CCSER1: variants seen among roughly 807,000 people sequenced by gnomAD.
CCSER1 encodes the protein serine-rich coiled-coil domain-containing protein 1.
A neutral mutation model predicts 82.0 loss-of-function variants in CCSER1; 41 were observed. That is an observed-to-expected ratio of 0.50 (90% CI 0.39 to 0.65). The LOEUF is 0.65. Ranked by LOEUF, CCSER1 falls within the 30% of genes least tolerant of loss-of-function variation. The pLI, the probability that CCSER1 is intolerant of heterozygous loss-of-function variation, is 0.00. For missense variants in CCSER1, 1,119 were observed against 1,064.2 expected (o/e 1.05, Z -0.72); for synonymous variants, 414 against 383.9 (o/e 1.08, Z -0.92).
chr4:90,565,564 C>T (rs776594427), intron 5 of CCSER1, among the ~76,000 whole-genome samples: 7 of 152,144 alleles, frequency 4.6e-5, no homozygotes, highest in Admixed American at 3.3e-4. Flanking sequence ...ATGGAAGTAG[C>T]GCACCAGGCA....
At chr4:90,500,167 G>T (rs925128394) in intron 5 of CCSER1, among the ~76,000 whole-genome samples, 1 of 151,630 alleles carries the variant, frequency 6.6e-6, no homozygotes, top group South Asian at 2.1e-4. Context: ...ATCTCTATGA[G>T]TTCATCATGT....
rs1047544406 is a variant in CCSER1 at position 91,126,043 on chromosome 4, A to C, written c.2217+40049A>C. ...TGATTTACACTCATTGTTATTACTC[A>C]CAGGGGAAAAAAGTTATAGATAAGT... is the stretch of plus-strand genomic sequence containing the variant. On this transcript the variant is annotated intron_variant, in intron 10 of 10. Coordinates refer to ENST00000509176, the MANE Select transcript of CCSER1 (RefSeq NM_001145065.2). Among the ~76,000 whole-genome samples, 3 of 151,762 alleles carry C rather than the reference A, an allele frequency of 2.0e-5. No individual in the cohort carries two copies. The South Asian group carries it at 6.2e-4, about 31-fold the overall frequency.
intron 10 of CCSER1, among the ~76,000 whole-genome samples, chr4:91,401,688 T>G (rs1752344070): frequency 6.6e-6 from 1 of 152,130 alleles, no homozygotes; most frequent in Non-Finnish European, 1.5e-5. Flanking sequence ...CTCAGAATGA[T>G]GGTTTCCAGC....
intron 10 of CCSER1, among the ~76,000 whole-genome samples, chr4:91,547,260 T>C (rs1761939085): frequency 6.6e-6 from 1 of 152,168 alleles, no homozygotes; most frequent in African/African-American, 2.4e-5. Flanking sequence ...CCTTACTAAT[T>C]TTCTACCTGC....
chr4:90,970,872 A>T (rs1735035850), intron 9 of CCSER1, among the ~76,000 whole-genome samples: 1 of 151,970 alleles, frequency 6.6e-6, no homozygotes, highest in Admixed American at 6.6e-5. Context: ...AGAAAGGAAA[A>T]TAGTAACACT....
chr4:90,810,455 C>G (rs1258888711), intron 7 of CCSER1, among the ~76,000 whole-genome samples: 1 of 152,086 alleles, frequency 6.6e-6, no homozygotes, highest in Non-Finnish European at 1.5e-5. Flanking sequence ...TGAGGCCAGC[C>G]TGGCCAACAT....
At chr4:90,792,711 G>A (rs751517207) in intron 7 of CCSER1, among the ~76,000 whole-genome samples, 13 of 152,360 alleles carry the variant, frequency 8.5e-5, no homozygotes, top group African/African-American at 1.4e-4. Flanking sequence ...TAGGTTGCAC[G>A]TCGGGGCAGG....
chr4:90,445,297 G>A (rs530327482), intron 4 of CCSER1, among the ~76,000 whole-genome samples: 2 of 151,958 alleles, frequency 1.3e-5, no homozygotes, highest in African/African-American at 4.8e-5. Context: ...ATATTAACCA[G>A]TCATATTAAA....
At chr4:90,391,761 A>G (rs1375468662) in intron 3 of CCSER1, among the ~76,000 whole-genome samples, 1 of 151,694 alleles carries the variant, frequency 6.6e-6, no homozygotes, top group African/African-American at 2.4e-5. Flanking sequence ...TTACTGAAAT[A>G]TTCAATTCCT....
intron 9 of CCSER1, among the ~76,000 whole-genome samples, chr4:90,977,570 G>A (rs1157878368): frequency 6.6e-6 from 1 of 151,454 alleles, no homozygotes; most frequent in East Asian, 1.9e-4. Flanking sequence ...TCATATATGT[G>A]AATGAATAGG....
chr4:90,904,744 C>G (rs961456470), intron 8 of CCSER1, among the ~76,000 whole-genome samples: 10 of 152,096 alleles, frequency 6.6e-5, no homozygotes, highest in African/African-American at 2.4e-4. Context: ...TCCTTGTGTT[C>G]TTAGCCCAGA....
intron 10 of CCSER1, among the ~76,000 whole-genome samples, chr4:91,258,321 AC>A (rs1740851506): frequency 2.0e-5 from 3 of 152,124 alleles, no homozygotes; most frequent in Admixed American, 6.5e-5. Flanking sequence ...GCAATAAGAT[AC>A]AATAGGATCC....
At chr4:90,156,028 C>G (rs1728072716) in intron 1 of CCSER1, among the ~76,000 whole-genome samples, 1 of 152,162 alleles carries the variant, frequency 6.6e-6, no homozygotes, top group African/African-American at 2.4e-5. Context: ...AAATTTCCCT[C>G]TACACACTGC....
At chr4:91,537,337 T>C (rs1315330447) in intron 10 of CCSER1, among the ~76,000 whole-genome samples, 1 of 152,084 alleles carries the variant, frequency 6.6e-6, no homozygotes, top group Non-Finnish European at 1.5e-5. Context: ...ACTATATACA[T>C]TTGAACCTAG....
At chr4:91,544,456 G>T (rs907664196) in intron 10 of CCSER1, among the ~76,000 whole-genome samples, 41 of 152,102 alleles carry the variant, frequency 2.7e-4, no homozygotes, top group Non-Finnish European at 7.3e-5. Context: ...TCTACCTTTG[G>T]TCTTTGATGA....
At chr4:90,342,255 C>G (rs1741516274) in intron 3 of CCSER1, among the ~76,000 whole-genome samples, 1 of 152,046 alleles carries the variant, frequency 6.6e-6, no homozygotes, top group African/African-American at 2.4e-5. Flanking sequence ...GGTAACTGAC[C>G]TGGGGATCTC....
At chr4:90,730,984 G>A (rs1194135282) in intron 7 of CCSER1, among the ~76,000 whole-genome samples, 1 of 152,050 alleles carries the variant, frequency 6.6e-6, no homozygotes, top group Middle Eastern at 3.2e-3. Context: ...AAAAAAGAAT[G>A]ACATAATCAG....
At chr4:91,219,391 C>A (rs1218725657) in intron 10 of CCSER1, among the ~76,000 whole-genome samples, 1 of 145,140 alleles carries the variant, frequency 6.9e-6, no homozygotes, top group Non-Finnish European at 1.5e-5. Context: ...CGGCTCACTG[C>A]AACTTCTGCC....
intron 10 of CCSER1, among the ~76,000 whole-genome samples, chr4:91,382,484 A>G (rs1207907522): frequency 6.6e-6 from 1 of 152,178 alleles, no homozygotes; most frequent in Non-Finnish European, 1.5e-5. Flanking sequence ...GTGAGGCTCC[A>G]TGGTCATGGG....
Sources: allele counts gnomAD v4.1 joint callset (sites outside exome capture counted in the v4.1 genomes callset), GRCh38; gene constraint gnomAD v4.1.1; transcripts MANE v1.5; gene names NCBI Gene and HGNC (gene_info 2026-07-23, HGNC 2026-07-21).